The following CLPB variants were observed in gnomAD, a reference collection of about 807,000 sequenced individuals.
CLPB encodes the protein ClpB family mitochondrial disaggregase.
In CLPB, 40 loss-of-function variants were observed where a neutral mutation model predicts 78.4. That is an observed-to-expected ratio of 0.51 (90% CI 0.40 to 0.66). The LOEUF (loss-of-function observed/expected upper bound fraction) is 0.66, where lower values mean the gene tolerates loss of function less well. Among genes scored for constraint, CLPB ranks in the 30% least tolerant of loss-of-function variants. The pLI is 0.00. For missense variants in CLPB, 780 were observed against 886.9 expected (o/e 0.88, Z 1.53); for synonymous variants, 333 against 348.0 (o/e 0.96, Z 0.48).
At chr11:72,317,478 G>T (rs1949968904) in intron 6 of CLPB, among the ~76,000 whole-genome samples, 1 of 152,184 alleles carries the variant, frequency 6.6e-6, no homozygotes, top group African/African-American at 2.4e-5. Flanking sequence ...TCTGACAGAA[G>T]ACCTGGGTCC....
intron 3 of CLPB, among the ~76,000 whole-genome samples, chr11:72,382,223 C>T (rs1590873670): frequency 6.6e-6 from 1 of 152,158 alleles, no homozygotes; most frequent in Admixed American, 6.5e-5. Context: ...AACAGCCTGG[C>T]CCCCATGGGA....
At position 72,434,413 on chromosome 11, in the gene CLPB, A is replaced by T; in HGVS notation, c.62T>A (p.Leu21His). The T allele has an allele frequency of 1.9e-6, 3 of 1,600,094 alleles. No individual in the cohort carries two copies. In the East Asian group the frequency reaches 6.7e-5, roughly 36 times the overall value. Reference sequence around the variant, plus strand: ...ATGGCCCCGGAGCGTTGGGGACCTGAGCAGCCGGAGGAGTAGCCGTGGCGC... The same window carrying T: ...ATGGCCCCGGAGCGTTGGGGACCTGTGCAGCCGGAGGAGTAGCCGTGGCGC... ...ALAPRLLLRL[L>H]RSPTLRGHGG... Residue 21 changes from leucine (L) to histidine (H), a missense_variant, in exon 1 of 16, where the codon CTC (leucine) becomes CAC (histidine). This residue lies in a region of CLPB where 417 missense variants were observed against 414.7 expected (regional missense o/e 1.01). Transcript: ENST00000538039.
chr11:72,332,149 A>G (rs117530291), intron 5 of CLPB, among the ~76,000 whole-genome samples: 2,846 of 152,078 alleles, frequency 0.019, 41 homozygotes, highest in Non-Finnish European at 0.026. Flanking sequence ...TTTTTTTATT[A>G]AGATACAATT....
chr11:72,318,547 G>C (rs1286084071), intron 6 of CLPB, among the ~76,000 whole-genome samples: 2 of 152,214 alleles, frequency 1.3e-5, no homozygotes, highest in African/African-American at 4.8e-5. Flanking sequence ...TCTGGAAAGA[G>C]AGCTGTCAAA....
intron 5 of CLPB, among the ~76,000 whole-genome samples, chr11:72,343,397 G>A (rs539808651): frequency 6.6e-6 from 1 of 152,138 alleles, no homozygotes; most frequent in Non-Finnish European, 1.5e-5. Flanking sequence ...TATAGGCTAC[G>A]GTTCTGGGAA....
At chr11:72,420,921 A>G (rs1856178088) in intron 2 of CLPB, among the ~76,000 whole-genome samples, 1 of 152,222 alleles carries the variant, frequency 6.6e-6, no homozygotes, top group Admixed American at 6.5e-5. Flanking sequence ...GCACTTTGGG[A>G]GGCCAAGGCG....
chr11:72,368,315 T>A (rs540056310), intron 4 of CLPB, among the ~76,000 whole-genome samples: 1 of 152,330 alleles, frequency 6.6e-6, no homozygotes, highest in Non-Finnish European at 1.5e-5. Context: ...GCCAGGAACT[T>A]TACGACTATT....
At chr11:72,427,944 GTC>G (rs1487297253) in intron 2 of CLPB, among the ~76,000 whole-genome samples, 4 of 152,218 alleles carry the variant, frequency 2.6e-5, no homozygotes, top group Non-Finnish European at 5.9e-5. Flanking sequence ...CCTGTACAGA[GTC>G]TAGGGTACAG....
chr11:72,294,601 G>A lies in CLPB; in HGVS notation c.1560+19C>T. The A allele has an allele frequency of 1.9e-6, 3 of 1,611,928 alleles. No individual in the cohort carries two copies. The highest frequency in any genetic ancestry group is 2.5e-6 in the Non-Finnish European group (3 of 1,177,978). On this transcript the variant is annotated intron_variant, in intron 13 of 15. Transcript: ENST00000538039. ...CCAACCTTAGGCTCCAGCAGGAAGTGCCAAGAAAGACCTCTTACTTTCAGG... is the reference window on the plus strand; with the variant it reads ...CCAACCTTAGGCTCCAGCAGGAAGTACCAAGAAAGACCTCTTACTTTCAGG...
intron 5 of CLPB, among the ~76,000 whole-genome samples, chr11:72,344,169 T>A (rs1950470311): frequency 6.6e-6 from 1 of 152,212 alleles, no homozygotes; most frequent in Non-Finnish European, 1.5e-5. Context: ...TAATCTATAC[T>A]GCTGACCAAT....
intron 4 of CLPB, among the ~76,000 whole-genome samples, chr11:72,369,098 T>G (rs1308673414): frequency 6.6e-6 from 1 of 152,108 alleles, no homozygotes; most frequent in Non-Finnish European, 1.5e-5. Context: ...GCAAGGAACT[T>G]GAAGAAGACA....
Position 72,307,234 on chromosome 11 carries a change from G to T in CLPB, c.1087C>A (p.Gln363Lys). Residue 363 changes from glutamine (Q) to lysine (K), a missense_variant, in exon 9 of 16, where the codon CAG (glutamine) becomes AAG (lysine). By Grantham distance (53) the Gln-to-Lys change is moderately conservative. Around this residue, in one of 3 missense-constraint regions of CLPB, gnomAD observed 91 missense variants for 168.2 expected, o/e 0.54. Transcript: ENST00000538039. ...TCTTTGTGCATATATTTGGCTGTCT[G>T]CTTGGCCAGCTCTGTTTTTCCTAGT... The part of the protein sequence containing the change: ...SGIGKTELAK[Q>K]TAKYMHKDAK... The T allele has an allele frequency of 6.2e-7, 1 of 1,614,110 alleles. No homozygotes were observed. The highest frequency in any genetic ancestry group is 8.5e-7 in the Non-Finnish European group (1 of 1,180,012).
At chr11:72,341,768 C>T (rs1220731109) in intron 5 of CLPB, among the ~76,000 whole-genome samples, 1 of 152,212 alleles carries the variant, frequency 6.6e-6, no homozygotes, top group African/African-American at 2.4e-5. Context: ...CTCATCCTCT[C>T]TTGGAAACTG....
At chr11:72,370,620 A>T (rs1222135336) in intron 4 of CLPB, among the ~76,000 whole-genome samples, 1 of 152,214 alleles carries the variant, frequency 6.6e-6, no homozygotes, top group Non-Finnish European at 1.5e-5. Flanking sequence ...TGAGCTGACT[A>T]AGCTGGGGGC....
intron 2 of CLPB, among the ~76,000 whole-genome samples, chr11:72,409,287 G>A (rs1002876047): frequency 6.6e-6 from 1 of 152,068 alleles, no homozygotes; most frequent in Middle Eastern, 3.2e-3. Context: ...GACCGCATTA[G>A]AAGTCCAGAG....
intron 7 of CLPB, among the ~76,000 whole-genome samples, chr11:72,310,410 G>T (rs973238787): frequency 1.3e-5 from 2 of 152,214 alleles, no homozygotes; most frequent in African/African-American, 4.8e-5. Context: ...CTCTGGAAAG[G>T]CTGGCTATAA....
At chr11:72,293,993 C>G (rs776447997) in intron 15 of CLPB, 29 bp downstream of exon 15, 3 of 1,581,018 alleles carry the variant, frequency 1.9e-6, no homozygotes, top group Non-Finnish European at 2.6e-6. Flanking sequence ...GGTGTGGAGG[C>G]GCCTCATTTC....
chr11:72,311,245 G>A (rs1590777719), intron 7 of CLPB, among the ~76,000 whole-genome samples: 1 of 152,274 alleles, frequency 6.6e-6, no homozygotes, highest in African/African-American at 2.4e-5. Context: ...TATGGGCCTT[G>A]AGGATCCCGT....
chr11:72,296,009 G>A (rs1050365039), intron 11 of CLPB, among the ~76,000 whole-genome samples: 10 of 152,212 alleles, frequency 6.6e-5, no homozygotes, highest in Non-Finnish European at 1.5e-5. Flanking sequence ...GCCAGGATCT[G>A]TGGTGGGGTA....
Sources: allele counts gnomAD v4.1 joint callset (sites outside exome capture counted in the v4.1 genomes callset), GRCh38; gene constraint gnomAD v4.1.1; regional missense constraint gnomAD v4.1.1; transcripts MANE v1.5; gene names NCBI Gene and HGNC (gene_info 2026-07-23, HGNC 2026-07-21).